BCKDHB: variants seen among roughly 807,000 people sequenced by gnomAD.
BCKDHB encodes branched chain keto acid dehydrogenase E1 subunit beta.
Under a neutral mutation model 48.5 loss-of-function variants are expected in BCKDHB, and 41 were observed. The observed-to-expected ratio is 0.85, with a 90% CI of 0.66 to 1.10. BCKDHB has a LOEUF of 1.10. Ranked by LOEUF, BCKDHB falls within the 50% of genes least tolerant of loss-of-function variation. The pLI, the probability that BCKDHB is intolerant of heterozygous loss-of-function variation, is 0.00. For missense variants in BCKDHB, 496 were observed against 494.2 expected, an observed-to-expected ratio of 1.00 and a Z score of -0.03; for synonymous variants, 201 against 174.8, an observed-to-expected ratio of 1.15 and a Z score of -1.18.
At chr6:80,303,109 C>G (rs1767668916) in intron 9 of BCKDHB, among the ~76,000 whole-genome samples, 1 of 152,018 alleles carries the variant, frequency 6.6e-6, no homozygotes, top group Non-Finnish European at 1.5e-5. Context: ...TACCTGAACT[C>G]AAAGGGTAAT....
At chr6:80,207,037 A>T (rs1429132301) in intron 8 of BCKDHB, among the ~76,000 whole-genome samples, 3 of 152,028 alleles carry the variant, frequency 2.0e-5, no homozygotes, top group African/African-American at 7.2e-5. Flanking sequence ...AGGCAAACAG[A>T]TATTGAGAGA....
chr6:80,321,940 C>A (rs1274981663), intron 9 of BCKDHB, among the ~76,000 whole-genome samples: 1 of 152,078 alleles, frequency 6.6e-6, no homozygotes, highest in Admixed American at 6.5e-5. Context: ...ATTAAGTAAG[C>A]TCAGAAGATA....
intron 9 of BCKDHB, among the ~76,000 whole-genome samples, chr6:80,283,212 A>T (rs887217829): frequency 6.6e-6 from 1 of 152,096 alleles, no homozygotes; most frequent in Non-Finnish European, 1.5e-5. Flanking sequence ...ATCAGTAATG[A>T]TACTGAAACT....
At chr6:80,423,138 G>A in the BCKDHB span, among the ~76,000 whole-genome samples, 3 of 152,138 alleles carry the variant, frequency 2.0e-5, no homozygotes. Context: ...ATGATAGCAA[G>A]GAGTTCTCAC....
chr6:80,107,336 ATATT>A (rs1228929875), intron 1 of BCKDHB, among the ~76,000 whole-genome samples: 1 of 146,020 alleles, frequency 6.8e-6, no homozygotes, highest in Non-Finnish European at 1.5e-5. Flanking sequence ...TATATTATAT[ATATT>A]ATATATAAAA....
the BCKDHB span, among the ~76,000 whole-genome samples, chr6:80,365,980 T>C: frequency 1.3e-5 from 2 of 152,216 alleles, no homozygotes; most frequent in Non-Finnish European, 2.9e-5. Context: ...ACAACTGATA[T>C]TAGTCTTTCA....
At chr6:80,142,005 C>G (rs1159831947) in intron 3 of BCKDHB, among the ~76,000 whole-genome samples, 1 of 152,066 alleles carries the variant, frequency 6.6e-6, no homozygotes, top group East Asian at 1.9e-4. Context: ...TGAGTACACC[C>G]TAGATATTTT....
At chr6:80,400,089 A>G in the BCKDHB span, among the ~76,000 whole-genome samples, 1 of 152,112 alleles carries the variant, frequency 6.6e-6, no homozygotes, top group Non-Finnish European at 1.5e-5. Flanking sequence ...CTCAAGATAG[A>G]TTAAAGACTT....
intron 8 of BCKDHB, among the ~76,000 whole-genome samples, chr6:80,230,265 C>T (rs1000713817): frequency 2.6e-5 from 4 of 151,414 alleles, no homozygotes; most frequent in African/African-American, 9.7e-5. Flanking sequence ...GTCTCGATCT[C>T]CTGACCTCGT....
At chr6:80,238,183 C>T (rs1480095888) in intron 8 of BCKDHB, among the ~76,000 whole-genome samples, 3 of 152,152 alleles carry the variant, frequency 2.0e-5, no homozygotes, top group African/African-American at 2.4e-5. Context: ...TAGCAACCTC[C>T]GCCTCCTGGG....
intron 8 of BCKDHB, among the ~76,000 whole-genome samples, chr6:80,267,489 G>A (rs1187977553): frequency 1.3e-5 from 2 of 152,130 alleles, no homozygotes; most frequent in South Asian, 2.1e-4. Flanking sequence ...TGTATGAGAT[G>A]GGTCTTGAGG....
the BCKDHB span, among the ~76,000 whole-genome samples, chr6:80,377,952 G>A: frequency 6.6e-6 from 1 of 152,162 alleles, no homozygotes. Context: ...TTAGATCTGT[G>A]AACACGAGAT....
intron 1 of BCKDHB, among the ~76,000 whole-genome samples, chr6:80,121,696 A>C (rs1237971391): frequency 1.3e-5 from 2 of 152,226 alleles, no homozygotes; most frequent in African/African-American, 4.8e-5. Context: ...ATTTTTGCAC[A>C]TTGATTTTGT....
At chr6:80,275,856 G>C (rs1298251204) in intron 9 of BCKDHB, among the ~76,000 whole-genome samples, 1 of 151,774 alleles carries the variant, frequency 6.6e-6, no homozygotes, top group Middle Eastern at 3.2e-3. Flanking sequence ...CCAGTGCCTT[G>C]GGTTGTTTAA....
chr6:80,182,809 TAC>T (rs1436657061), intron 6 of BCKDHB, among the ~76,000 whole-genome samples: 5 of 152,200 alleles, frequency 3.3e-5, no homozygotes, highest in African/African-American at 1.2e-4. Flanking sequence ...GTATAAAATG[TAC>T]ACACACAAAT....
At chr6:80,300,665 A>G (rs1204845853) in intron 9 of BCKDHB, among the ~76,000 whole-genome samples, 3 of 152,224 alleles carry the variant, frequency 2.0e-5, no homozygotes, top group South Asian at 2.1e-4. Context: ...CCAAATGGAC[A>G]TCTACAGAAC....
At chr6:80,214,074 A>G (rs1000075164) in intron 8 of BCKDHB, among the ~76,000 whole-genome samples, 2 of 152,166 alleles carry the variant, frequency 1.3e-5, no homozygotes, top group African/African-American at 4.8e-5. Context: ...GGGGAACTGG[A>G]TAATAGCAGG....
the BCKDHB span, among the ~76,000 whole-genome samples, chr6:80,369,585 T>C: frequency 6.6e-6 from 1 of 152,248 alleles, no homozygotes; most frequent in Non-Finnish European, 1.5e-5. Context: ...AGGTTTGGCA[T>C]GTGGAAAGAC....
chr6:80,148,466 C>G (rs908174808), intron 3 of BCKDHB, among the ~76,000 whole-genome samples: 2 of 152,108 alleles, frequency 1.3e-5, no homozygotes, highest in Non-Finnish European at 2.9e-5. Flanking sequence ...AGCTGTCAAG[C>G]TCTGCTGGTT....
Sources: allele counts gnomAD v4.1 joint callset (sites outside exome capture counted in the v4.1 genomes callset), GRCh38; gene constraint gnomAD v4.1.1; transcripts MANE v1.5; gene names NCBI Gene and HGNC (gene_info 2026-07-23, HGNC 2026-07-21).